Variants in FARP1 observed in about 807,000 individuals in gnomAD.
The protein encoded by FARP1 is FERM, ARHGEF and pleckstrin domain-containing protein 1.
A neutral mutation model predicts 128.8 loss-of-function variants in FARP1; 52 were observed. That is an observed-to-expected ratio of 0.40 (90% CI 0.32 to 0.51). The LOEUF (loss-of-function observed/expected upper bound fraction) is 0.51. FARP1 is among the 20% of genes least tolerant of loss of function. The pLI, the probability that FARP1 is intolerant of heterozygous loss-of-function variation, is 0.45. For missense variants in FARP1, 1,333 were observed against 1,367.9 expected (o/e 0.97, Z 0.40); for synonymous variants, 580 against 551.8 (o/e 1.05, Z -0.72).
chr13:98,234,134 C>T (rs186792898), intron 2 of FARP1: 2 of 152,242 alleles, frequency 1.3e-5, no homozygotes, highest in African/African-American at 4.8e-5. Context: ...CTGTGCAGGT[C>T]AGCGTTTTCT....
At chr13:98,238,615 A>T (rs1200931835) in intron 2 of FARP1, among the ~76,000 whole-genome samples, 2 of 151,680 alleles carry the variant, frequency 1.3e-5, no homozygotes, top group Non-Finnish European at 2.9e-5. Flanking sequence ...GTGCAGGGAA[A>T]CTCCCCTTTA....
At chr13:98,406,635 C>G (rs1220421972) in intron 13 of FARP1, 1 of 152,230 alleles carries the variant, frequency 6.6e-6, no homozygotes, top group Non-Finnish European at 1.5e-5. Flanking sequence ...CAAGCCTGCC[C>G]CCAGCAGCCT....
intron 2 of FARP1, among the ~76,000 whole-genome samples, chr13:98,280,121 C>T (rs1214271798): frequency 6.6e-6 from 1 of 152,224 alleles, no homozygotes; most frequent in Non-Finnish European, 1.5e-5. Flanking sequence ...CCCTCCATGA[C>T]CTCAATGCTG....
At chr13:98,389,650 G>T (rs2140053486) in intron 9 of FARP1, 1 of 244,308 alleles carries the variant, frequency 4.1e-6, no homozygotes, top group Non-Finnish European at 7.8e-6. Flanking sequence ...TCAAGGAAAT[G>T]TAAGCCAAAT....
intron 24 of FARP1, 49 bp from the exon 25 acceptor site, chr13:98,446,049 C>T: frequency 7.6e-7 from 1 of 1,312,830 alleles, no homozygotes; most frequent in South Asian, 1.2e-5. Context: ...TCTGTGCCCT[C>T]CTGGGGCAGG....
chr13:98,301,433 C>A (rs1452702291), intron 2 of FARP1, among the ~76,000 whole-genome samples: 1 of 152,154 alleles, frequency 6.6e-6, no homozygotes, highest in Non-Finnish European at 1.5e-5. Flanking sequence ...TGAAGTCAAG[C>A]CTTCTGCGGA....
chr13:98,416,777 C>A (rs1348469685), intron 16 of FARP1, among the ~76,000 whole-genome samples: 1 of 152,120 alleles, frequency 6.6e-6, no homozygotes, highest in African/African-American at 2.4e-5. Context: ...AGGTGGAAGG[C>A]CTGCTTTGCT....
intron 3 of FARP1, among the ~76,000 whole-genome samples, chr13:98,346,077 G>A (rs1365113429): frequency 2.0e-5 from 3 of 152,034 alleles, no homozygotes; most frequent in African/African-American, 4.8e-5. Context: ...ATTGAAGCTC[G>A]GATCTGTAGA....
At chr13:98,430,738 A>T (rs561165002) in intron 17 of FARP1, among the ~76,000 whole-genome samples, 1 of 152,310 alleles carries the variant, frequency 6.6e-6, no homozygotes, top group East Asian at 1.9e-4. Flanking sequence ...ATTTGTCCCC[A>T]GTTTTTCCAG....
chr13:98,182,182 C>G (rs902515238), intron 1 of FARP1, among the ~76,000 whole-genome samples: 3 of 152,186 alleles, frequency 2.0e-5, no homozygotes, highest in Middle Eastern at 3.4e-3. Flanking sequence ...CATTTCTATT[C>G]TAATAATGCC....
At chr13:98,163,158 C>T (rs1363614827) in intron 1 of FARP1, among the ~76,000 whole-genome samples, 1 of 152,164 alleles carries the variant, frequency 6.6e-6, no homozygotes, top group African/African-American at 2.4e-5. Flanking sequence ...AGAACAAAAT[C>T]ATCTTTGCAG....
chr13:98,426,558 T>C (rs1891796218), intron 17 of FARP1, among the ~76,000 whole-genome samples: 1 of 152,100 alleles, frequency 6.6e-6, no homozygotes, highest in Non-Finnish European at 1.5e-5. Flanking sequence ...GGTCGGTGAG[T>C]AGCACAGAAA....
intron 1 of FARP1, among the ~76,000 whole-genome samples, chr13:98,155,378 A>C (rs1206153771): frequency 7.0e-6 from 1 of 143,074 alleles, no homozygotes; most frequent in Non-Finnish European, 1.5e-5. Flanking sequence ...GTCAACTGGG[A>C]CTGTGGGGTC....
chr13:98,344,147 AAG>A (rs1001037969), intron 3 of FARP1, among the ~76,000 whole-genome samples: 13 of 152,218 alleles, frequency 8.5e-5, no homozygotes, highest in African/African-American at 2.4e-4. Context: ...ATGCATTTAA[AAG>A]AGAGTGTGAT....
chr13:98,406,920 A>C (rs1269601075), intron 13 of FARP1: 1 of 152,462 alleles, frequency 6.6e-6, no homozygotes, highest in African/African-American at 2.4e-5. Context: ...GCTGTATCGG[A>C]GTGTGCTCCC....
intron 19 of FARP1, among the ~76,000 whole-genome samples, chr13:98,438,182 T>C (rs1255336151): frequency 6.6e-6 from 1 of 152,142 alleles, no homozygotes; most frequent in East Asian, 1.9e-4. Context: ...AGGATGTCAC[T>C]CGGGAGGCAG....
intron 6 of FARP1, chr13:98,384,078 G>A (rs1889995077): frequency 6.6e-6 from 1 of 152,026 alleles, no homozygotes; most frequent in Non-Finnish European, 1.5e-5. Flanking sequence ...AGGTCATACG[G>A]TTGTCACCCA....
At chr13:98,306,297 C>G (rs1041404526) in intron 2 of FARP1, among the ~76,000 whole-genome samples, 15 of 152,204 alleles carry the variant, frequency 9.9e-5, no homozygotes, top group Admixed American at 2.0e-4. Flanking sequence ...GCCTGACCCA[C>G]TCTAGTACCT....
At chr13:98,396,318 G>A in intron 13 of FARP1, 1 of 399,254 alleles carries the variant, frequency 2.5e-6, no homozygotes, top group Non-Finnish European at 4.4e-6. Context: ...GTGGGACTGA[G>A]TCCAGTGAGT....
Sources: allele counts gnomAD v4.1 joint callset (sites outside exome capture counted in the v4.1 genomes callset), GRCh38; gene constraint gnomAD v4.1.1; transcripts MANE v1.5; gene names NCBI Gene and HGNC (gene_info 2026-07-23, HGNC 2026-07-21).